Variants in SOS2 observed in about 807,000 individuals in gnomAD.
SOS2 encodes the protein SOS Ras/Rho guanine nucleotide exchange factor 2.
In SOS2, 65 loss-of-function variants were observed where a neutral mutation model predicts 148.2. The observed-to-expected ratio is 0.44, with a 90% CI of 0.36 to 0.54. The LOEUF is 0.54. Among genes scored for constraint, SOS2 ranks in the 20% least tolerant of loss-of-function variants. SOS2 has a pLI of 0.00. For synonymous variants in SOS2, 539 were observed against 537.1 expected (o/e 1.00, Z -0.05); for missense variants, 1,341 against 1,590.2 (o/e 0.84, Z 2.67).
chr14:50,140,495 C>G (rs1391341104), intron 16 of SOS2, among the ~76,000 whole-genome samples: 1 of 152,124 alleles, frequency 6.6e-6, no homozygotes, highest in Non-Finnish European at 1.5e-5. Flanking sequence ...ATGAAGTAAA[C>G]TAGCATTTCT....
At chr14:50,213,948 A>C (rs1044452999) in intron 1 of SOS2, among the ~76,000 whole-genome samples, 4 of 152,012 alleles carry the variant, frequency 2.6e-5, no homozygotes, top group Admixed American at 2.6e-4. Flanking sequence ...CGTGGTAGGA[A>C]GTCAACAGAT....
intron 8 of SOS2, among the ~76,000 whole-genome samples, chr14:50,163,118 G>A (rs1885065173): frequency 1.3e-5 from 2 of 150,874 alleles, no homozygotes; most frequent in Admixed American, 6.6e-5. Flanking sequence ...ATGCTGCCCA[G>A]GCTGCCCTCA....
chr14:50,207,696 G>C (rs185095936), intron 1 of SOS2, among the ~76,000 whole-genome samples: 1 of 151,670 alleles, frequency 6.6e-6, no homozygotes, highest in African/African-American at 2.4e-5. Context: ...ATCTGAGGTC[G>C]GGAGTTCGAG....
chr14:50,209,321 G>GTGTGTGTC lies in SOS2; in HGVS notation c.88-4913_88-4912insGACACACA, dbSNP rs1179515891. On this transcript the variant is annotated intron_variant, in intron 1 of 22. Transcript: ENST00000216373. ...TGTGTGTGTGTGTGTGTGTGTGTGT[G>GTGTGTGTC]TCTCCTATTGGTTCTGCTTCTCTGA... Among the ~76,000 whole-genome samples, 231 of 141,844 alleles carry GTGTGTGTC rather than the reference G, an allele frequency of 1.6e-3. 3 individuals are homozygous for GTGTGTGTC. Among genetic ancestry groups the GTGTGTGTC allele is most frequent in the Non-Finnish European group, 2.0e-3 (129 of 65,674 alleles). 93.1% of individuals were successfully genotyped at this position (141,844 alleles called of 152,430 possible).
chr14:50,199,844 C>T lies in SOS2; in HGVS notation c.357G>A (p.Gly119=), dbSNP rs749639774. The change falls in exon 4 of 23, where the codon GGG becomes GGA. Residue 119 remains glycine (G), a synonymous_variant. Coordinates refer to ENST00000216373, the MANE Select transcript of SOS2 (RefSeq NM_006939.4). ...GGGATACATGGTAGTCCACTTTGTA[C>T]CCTAATACTTCCTGTGAAAAGAATA... ...KIHPSLKEVL[G]YKVDYHVSLY... 17 of 1,565,316 alleles carry T rather than the reference C, an allele frequency of 1.1e-5. No homozygotes were observed. Among genetic ancestry groups the T allele is most frequent in the Non-Finnish European group, 1.5e-5 (17 of 1,147,980 alleles).
At position 50,178,666 on chromosome 14, in the gene SOS2, GTGTGCATA is replaced by G. The variant is rs1344944564; in HGVS notation, c.969+1898_969+1905del. Among the ~76,000 whole-genome samples, 12 of 70,070 alleles carry G rather than the reference GTGTGCATA, an allele frequency of 1.7e-4. No homozygotes were observed. In the East Asian group the frequency reaches 3.6e-3, roughly 21 times the overall value. The allele number at this position is 70,070 out of a possible 152,430, so 46.0% of individuals were successfully genotyped here. A position where few individuals can be genotyped will look rare whatever the true frequency, so the allele number is the denominator to read the frequency against. On this transcript the variant is annotated intron_variant, in intron 7 of 22. Transcript: ENST00000216373. ...CCCGCTAGTGTGTGTGTGTGTGTGTGTGTGCATATATATATATATATATATATATATAT... is the reference window on the plus strand; with the variant it reads ...CCCGCTAGTGTGTGTGTGTGTGTGTGTATATATATATATATATATATATAT...
intron 4 of SOS2, among the ~76,000 whole-genome samples, chr14:50,192,481 G>A (rs1359669217): frequency 1.3e-5 from 2 of 151,776 alleles, no homozygotes; most frequent in African/African-American, 4.8e-5. Flanking sequence ...GCTTGAACAC[G>A]GGAGGCAGAG....
Position 50,140,531 on chromosome 14 carries a change from T to C in SOS2, c.2668-472A>G, listed in dbSNP as rs527301053. ...TTTATACTTCATTACTAGATCTTCT[T>C]ATTGAAAATTAATTTTTACTTCAGA... On this transcript the variant is annotated intron_variant, in intron 16 of 22. Coordinates refer to ENST00000216373, the MANE Select transcript of SOS2 (RefSeq NM_006939.4). Among the ~76,000 whole-genome samples, 3 of 152,322 alleles carry C rather than the reference T, an allele frequency of 2.0e-5. No homozygotes were observed. In the South Asian group the frequency reaches 6.2e-4, roughly 32 times the overall value.
rs1175960937 is a variant in SOS2 at position 50,133,249 on chromosome 14, CTT to C, written c.3075+872_3075+873del. ...GAACTTTTTTTCTTTTTTCTTTTTTCTTTTTTTTTTTTTTTGAGACGGGGTCT... is the reference window on the plus strand; with the variant it reads ...GAACTTTTTTTCTTTTTTCTTTTTTCTTTTTTTTTTTTTGAGACGGGGTCT... On this transcript the variant is annotated intron_variant, in intron 19 of 22. Transcript: ENST00000216373. 4.9e-4 allele frequency among the ~76,000 whole-genome samples: 52 copies of C among 105,600 alleles called. 1 individual carries two copies. Among genetic ancestry groups the C allele is most frequent in the African/African-American group, 1.8e-3 (48 of 27,350 alleles). 69.3% of individuals were successfully genotyped at this position (105,600 alleles called of 152,430 possible).
intron 22 of SOS2, among the ~76,000 whole-genome samples, chr14:50,119,127 T>C (rs1269150526): frequency 1.3e-5 from 2 of 152,180 alleles, no homozygotes; most frequent in Non-Finnish European, 2.9e-5. Flanking sequence ...ATTATAATAG[T>C]AGGTAAGTGA....
intron 8 of SOS2, among the ~76,000 whole-genome samples, chr14:50,162,386 GCCTC>G (rs1885038733): frequency 6.6e-6 from 1 of 152,064 alleles, no homozygotes; most frequent in South Asian, 2.1e-4. Context: ...TCCCATCTCT[GCCTC>G]CCAAAGTGTT....
intron 18 of SOS2, among the ~76,000 whole-genome samples, chr14:50,135,051 C>A (rs1298218738): frequency 6.2e-5 from 6 of 96,098 alleles, no homozygotes; most frequent in Admixed American, 1.7e-4. Context: ...CCAGCCTGGG[C>A]AACAAGAGCG....
chr14:50,219,543 G>T (rs1028926831), intron 1 of SOS2, among the ~76,000 whole-genome samples: 1 of 152,114 alleles, frequency 6.6e-6, no homozygotes, highest in Non-Finnish European at 1.5e-5. Flanking sequence ...AGAAATAGGA[G>T]GGAGAATTAC....
At chr14:50,124,107 A>C (rs1277655341) in intron 21 of SOS2, among the ~76,000 whole-genome samples, 1 of 152,158 alleles carries the variant, frequency 6.6e-6, no homozygotes, top group Non-Finnish European at 1.5e-5. Flanking sequence ...ATCCAACTGG[A>C]GATGTTAAAT....
rs186683013 is a variant in SOS2, at chr14:50,174,176, A to G, written c.1068+278T>C. The stretch of plus-strand genomic sequence containing the variant: ...GTTAATTAAAATAGAGAAGAGAGTC[A>G]TTTTTTTTAAGTTATATATATATTT... On this transcript the variant is annotated intron_variant, in intron 8 of 22. Coordinates refer to ENST00000216373, the MANE Select transcript of SOS2 (RefSeq NM_006939.4). Among the ~76,000 whole-genome samples the G allele has an allele frequency of 6.7e-3, 729 of 108,842 alleles. 5 individuals carry two copies. The highest frequency in any genetic ancestry group is 0.012 in the Non-Finnish European group (549 of 45,592). 71.4% of individuals were successfully genotyped at this position (108,842 alleles called of 152,430 possible).
intron 16 of SOS2, among the ~76,000 whole-genome samples, chr14:50,143,045 G>A (rs1884346125): frequency 1.3e-5 from 2 of 152,142 alleles, no homozygotes; most frequent in South Asian, 4.1e-4. Flanking sequence ...ATGATAAAAC[G>A]TCCTTATGTC....
intron 1 of SOS2, among the ~76,000 whole-genome samples, chr14:50,223,728 C>T (rs2139863545): frequency 6.6e-6 from 1 of 151,976 alleles, no homozygotes; most frequent in Middle Eastern, 3.4e-3. Context: ...ACCTGTAGTC[C>T]CAGCTATATG....
intron 16 of SOS2, among the ~76,000 whole-genome samples, chr14:50,142,619 T>G (rs1367631466): frequency 1.3e-5 from 2 of 152,204 alleles, no homozygotes; most frequent in Non-Finnish European, 2.9e-5. Context: ...CAAATGTTCT[T>G]CCACAACAAT....
At chr14:50,190,663 TCATTGCCTTCTGCATAAAATCC>T (rs975758976) in intron 4 of SOS2, among the ~76,000 whole-genome samples, 6 of 152,228 alleles carry the variant, frequency 3.9e-5, no homozygotes, top group African/African-American at 1.4e-4. Flanking sequence ...ATACTGGATT[TCATTGCCTTCTGCATAAAATCC>T]TAACTTCTTT....
Sources: allele counts gnomAD v4.1 joint callset (sites outside exome capture counted in the v4.1 genomes callset), GRCh38; gene constraint gnomAD v4.1.1; transcripts MANE v1.5; gene names NCBI Gene and HGNC (gene_info 2026-07-23, HGNC 2026-07-21).